Variants in TENM2 observed in about 807,000 individuals in gnomAD.
The protein encoded by TENM2 is teneurin transmembrane protein 2.
A neutral mutation model predicts 245.2 loss-of-function variants in TENM2; 52 were observed. That is an observed-to-expected ratio of 0.21 (90% CI 0.17 to 0.27). The LOEUF is 0.27. Ranked by LOEUF, TENM2 falls within the 10% of genes least tolerant of loss-of-function variation. TENM2 has a pLI of 1.00. For missense variants in TENM2, 3,046 were observed against 3,666.8 expected (o/e 0.83, Z 4.37); for synonymous variants, 1,363 against 1,438.9 (o/e 0.95, Z 1.19).
chr5:167,039,406 G>A, the TENM2 span, among the ~76,000 whole-genome samples: 1 of 152,146 alleles, frequency 6.6e-6, no homozygotes, highest in Non-Finnish European at 1.5e-5. Context: ...GGGTGTCCTC[G>A]AAGGCGCACT....
At chr5:168,013,775 G>A (rs954220802) in intron 5 of TENM2, among the ~76,000 whole-genome samples, 1 of 152,128 alleles carries the variant, frequency 6.6e-6, no homozygotes, top group Non-Finnish European at 1.5e-5. Flanking sequence ...ACACACTGAG[G>A]GGCTTACAAC....
At chr5:168,099,250 T>C (rs1304562120) in intron 9 of TENM2, among the ~76,000 whole-genome samples, 1 of 152,060 alleles carries the variant, frequency 6.6e-6, no homozygotes, top group Non-Finnish European at 1.5e-5. Flanking sequence ...TTACACTGAT[T>C]TTCCACCCAC....
chr5:167,047,102 A>G, the TENM2 span, among the ~76,000 whole-genome samples: 1 of 152,150 alleles, frequency 6.6e-6, no homozygotes, highest in Admixed American at 6.5e-5. Flanking sequence ...ATGGAGAAAT[A>G]CTTGTTTTTA....
intron 1 of TENM2, among the ~76,000 whole-genome samples, chr5:167,307,027 G>A (rs1452170820): frequency 1.3e-5 from 2 of 152,162 alleles, no homozygotes; most frequent in Non-Finnish European, 2.9e-5. Flanking sequence ...GGTGATCTTA[G>A]GTGCAAGAAA....
At chr5:167,455,600 C>G (rs1386405354) in intron 2 of TENM2, among the ~76,000 whole-genome samples, 1 of 151,920 alleles carries the variant, frequency 6.6e-6, no homozygotes, top group African/African-American at 2.4e-5. Flanking sequence ...TTTGTCAGTA[C>G]ATTAATTTTA....
intron 12 of TENM2, among the ~76,000 whole-genome samples, chr5:168,149,048 G>C (rs888596201): frequency 2.0e-5 from 3 of 152,100 alleles, no homozygotes; most frequent in African/African-American, 7.2e-5. Flanking sequence ...AGCATGCTTG[G>C]GTGGTTCAAA....
chr5:168,139,682 A>G (rs1453966047), intron 12 of TENM2, among the ~76,000 whole-genome samples: 1 of 152,194 alleles, frequency 6.6e-6, no homozygotes, highest in East Asian at 1.9e-4. Context: ...GTAAACTCAA[A>G]TTCCCATACA....
intron 2 of TENM2, among the ~76,000 whole-genome samples, chr5:167,856,866 T>G (rs1771143349): frequency 6.6e-6 from 1 of 152,218 alleles, no homozygotes; most frequent in Admixed American, 6.5e-5. Context: ...AGCTTGTTAC[T>G]TTGCAAGGGT....
At chr5:167,039,600 C>G in the TENM2 span, among the ~76,000 whole-genome samples, 1 of 125,974 alleles carries the variant, frequency 7.9e-6, no homozygotes, top group South Asian at 2.4e-4. Flanking sequence ...GTAGCAGATG[C>G]AAATGTCAAT....
chr5:167,245,600 A>T, the TENM2 span, among the ~76,000 whole-genome samples: 1 of 152,076 alleles, frequency 6.6e-6, no homozygotes, highest in Admixed American at 6.6e-5. Context: ...ACTAACAATA[A>T]TTTTTCAAAA....
At chr5:168,255,838 C>G (rs890084475) in intron 27 of TENM2, among the ~76,000 whole-genome samples, 1 of 152,112 alleles carries the variant, frequency 6.6e-6, no homozygotes, top group Non-Finnish European at 1.5e-5. Context: ...CGAAGTCTCA[C>G]TCTGTCTCCC....
intron 2 of TENM2, among the ~76,000 whole-genome samples, chr5:167,507,996 A>G (rs1260494168): frequency 6.6e-6 from 1 of 152,142 alleles, no homozygotes; most frequent in African/African-American, 2.4e-5. Flanking sequence ...TGCCCACAGA[A>G]AGAGCTCTGT....
intron 2 of TENM2, among the ~76,000 whole-genome samples, chr5:167,681,107 T>C (rs1756675852): frequency 6.6e-6 from 1 of 152,232 alleles, no homozygotes; most frequent in African/African-American, 2.4e-5. Context: ...TTTTACTCTA[T>C]AATTATATAT....
chr5:167,358,892 A>C (rs1402280983), intron 1 of TENM2, among the ~76,000 whole-genome samples: 5 of 150,326 alleles, frequency 3.3e-5, no homozygotes, highest in African/African-American at 1.2e-4. Flanking sequence ...AATAGATAGT[A>C]ACTCTCTCTT....
intron 2 of TENM2, among the ~76,000 whole-genome samples, chr5:167,537,845 G>A (rs533169388): frequency 1.7e-4 from 26 of 152,196 alleles, no homozygotes; most frequent in Non-Finnish European, 3.2e-4. Context: ...TAGGATGCCT[G>A]TAGATACCAG....
the TENM2 span, among the ~76,000 whole-genome samples, chr5:166,994,797 G>A: frequency 6.6e-6 from 1 of 152,136 alleles, no homozygotes; most frequent in African/African-American, 2.4e-5. Flanking sequence ...CTGCTTGTCT[G>A]GCCAATATGG....
At chr5:168,209,642 A>G (rs759037019) in intron 19 of TENM2, among the ~76,000 whole-genome samples, 2 of 152,196 alleles carry the variant, frequency 1.3e-5, no homozygotes, top group African/African-American at 4.8e-5. Context: ...AAAAAAGACA[A>G]CAGTCTCCAC....
chr5:167,224,011 T>C, the TENM2 span, among the ~76,000 whole-genome samples: 3 of 152,148 alleles, frequency 2.0e-5, no homozygotes, highest in Admixed American at 2.0e-4. Context: ...GTCTATCATG[T>C]TCTTTGCCCC....
chr5:168,248,306 A>T, exon 27 of TENM2: 1 of 1,613,950 alleles, frequency 6.2e-7, no homozygotes, highest in Non-Finnish European at 8.5e-7. Flanking sequence ...GCCCCCTTTA[A>T]CCTGTATATG....
Sources: gnomAD v4.1 joint callset for allele counts (sites outside exome capture counted in the v4.1 genomes callset) on GRCh38, gnomAD v4.1.1 for gene constraint, MANE v1.5 for transcripts, NCBI Gene and HGNC (gene_info 2026-07-23, HGNC 2026-07-21) for gene names.